DCLK1: variants seen among roughly 807,000 people sequenced by gnomAD.
The protein encoded by DCLK1 is doublecortin like kinase 1.
DCLK1 carries 16 observed loss-of-function variants against 86.2 expected under a neutral mutation model. The observed-to-expected ratio is 0.19, with a 90% CI of 0.13 to 0.28. The LOEUF (loss-of-function observed/expected upper bound fraction) is 0.28. Among genes scored for constraint, DCLK1 ranks in the 10% least tolerant of loss-of-function variants. The pLI, the probability that DCLK1 is intolerant of heterozygous loss-of-function variation, is 1.00. For missense variants in DCLK1, 590 were observed against 940.2 expected (o/e 0.63, Z 4.87); for synonymous variants, 369 against 370.5 (o/e 1.00, Z 0.05).
Position 35,827,660 on chromosome 13 carries a change from A to G in DCLK1, c.1382T>C (p.Leu461Pro). ...LIEEMDVPTE[L>P]YLVMELVKGG... ...CTTTACTAATTCCATGACAAGATAC[A>G]GTTCAGTTGGCACATCCATCTCCTC... Residue 461 changes from leucine (L) to proline (P), a missense_variant, in exon 10 of 17, where the codon CTG (leucine) becomes CCG (proline). By Grantham distance (98) the Leu-to-Pro change is moderately conservative. Coordinates refer to ENST00000360631, the MANE Select transcript of DCLK1 (RefSeq NM_001330071.2). The G allele has an allele frequency of 6.2e-7, 1 of 1,614,036 alleles. No individual in the cohort carries two copies.
intron 4 of DCLK1, among the ~76,000 whole-genome samples, chr13:35,895,548 C>A (rs913547757): frequency 1.3e-5 from 2 of 152,066 alleles, no homozygotes; most frequent in Non-Finnish European, 2.9e-5. Context: ...ACTTCTTGGA[C>A]TGAGTAAATT....
intron 3 of DCLK1, among the ~76,000 whole-genome samples, chr13:36,108,607 T>A (rs552577223): frequency 6.6e-6 from 1 of 152,228 alleles, no homozygotes; most frequent in African/African-American, 2.4e-5. Flanking sequence ...ACAGTTTTCA[T>A]GCCATGGATA....
chr13:35,948,145 T>C (rs1207049347), intron 3 of DCLK1, among the ~76,000 whole-genome samples: 1 of 152,214 alleles, frequency 6.6e-6, no homozygotes, highest in Non-Finnish European at 1.5e-5. Context: ...ATGAGAACTT[T>C]AAGAAAGCTA....
rs1222920656 is a variant in DCLK1 at position 35,938,614 on chromosome 13, G to A, written c.823+8744C>T. ...ACTGCACTCCAGCCTTGGTGACAGA[G>A]TGAGACTCTGTCTCAAAAAAAAAAA... On this transcript the variant is annotated intron_variant, in intron 4 of 16. Coordinates refer to ENST00000360631, the MANE Select transcript of DCLK1 (RefSeq NM_001330071.2). 4.0e-5 allele frequency among the ~76,000 whole-genome samples: 6 copies of A among 151,776 alleles called. No individual in the cohort carries two copies. The East Asian group carries it at 7.8e-4, about 20-fold the overall frequency.
intron 3 of DCLK1, among the ~76,000 whole-genome samples, chr13:36,110,628 T>G (rs1885577570): frequency 6.6e-6 from 1 of 152,144 alleles, no homozygotes; most frequent in South Asian, 2.1e-4. Context: ...ATAAGATCAA[T>G]CTTTTAATTC....
At chr13:36,088,003 T>G (rs1472393263) in intron 3 of DCLK1, among the ~76,000 whole-genome samples, 1 of 152,242 alleles carries the variant, frequency 6.6e-6, no homozygotes, top group Non-Finnish European at 1.5e-5. Context: ...CAATGTTTTT[T>G]AAAACCATGA....
rs2086324953 is a variant in DCLK1, at chr13:35,771,118, A to G, written c.*3417T>C. ...TTGGCCAGTAAACAACCATGATTTA[A>G]TGTGCTTGAGACTTGGTCATATGGG... On this transcript the variant is annotated 3_prime_UTR_variant, in exon 17 of 17. Coordinates refer to ENST00000360631, the MANE Select transcript of DCLK1 (RefSeq NM_001330071.2). The G allele has an allele frequency of 6.6e-6, 1 of 152,200 alleles. No individual in the cohort carries two copies. Among genetic ancestry groups the G allele is most frequent in the Non-Finnish European group, 1.5e-5 (1 of 68,040 alleles). 9.4% of individuals were successfully genotyped at this position (152,200 alleles called of 1,614,324 possible).
At chr13:35,821,672 G>GTATATATA in intron 11 of DCLK1, among the ~76,000 whole-genome samples, 1 of 144,706 alleles carries the variant, frequency 6.9e-6, no homozygotes, top group South Asian at 2.2e-4. Context: ...ATAAATATAT[G>GTATATATA]TATATATATA....
chr13:35,887,143 C>T (rs749049513), intron 4 of DCLK1, among the ~76,000 whole-genome samples: 35 of 152,206 alleles, frequency 2.3e-4, no homozygotes, highest in Non-Finnish European at 4.3e-4. Context: ...TTGTCAGTCA[C>T]GTAAGTGATA....
chr13:35,914,767 T>C (rs60238674), intron 4 of DCLK1, among the ~76,000 whole-genome samples: 15,901 of 151,948 alleles, frequency 0.1, 1,171 homozygotes, highest in African/African-American at 0.21. Context: ...TGCCAAATTC[T>C]GGGCTGTTTA....
intron 3 of DCLK1, among the ~76,000 whole-genome samples, chr13:36,015,004 T>TTC (rs60179491): frequency 5.5e-5 from 8 of 144,266 alleles, no homozygotes; most frequent in East Asian, 4.1e-4. Context: ...CTCTCTCTCT[T>TTC]TCTCTCTCTC....
chr13:36,078,176 G>C (rs896838027), intron 3 of DCLK1, among the ~76,000 whole-genome samples: 1 of 152,204 alleles, frequency 6.6e-6, no homozygotes, highest in Non-Finnish European at 1.5e-5. Flanking sequence ...TGAGGACAGA[G>C]CAAACCAAGA....
At chr13:36,116,898 A>G (rs1368749492) in intron 2 of DCLK1, among the ~76,000 whole-genome samples, 1 of 152,212 alleles carries the variant, frequency 6.6e-6, no homozygotes, top group African/African-American at 2.4e-5. Flanking sequence ...CCTTCTGGAT[A>G]TTACATTTTA....
chr13:35,963,700 G>A (rs1878578453), intron 3 of DCLK1, among the ~76,000 whole-genome samples: 1 of 152,146 alleles, frequency 6.6e-6, no homozygotes, highest in Non-Finnish European at 1.5e-5. Context: ...TTATGGGGGT[G>A]GTTTCCCCCA....
At chr13:35,918,758 T>A (rs1020587853) in intron 4 of DCLK1, among the ~76,000 whole-genome samples, 4 of 152,098 alleles carry the variant, frequency 2.6e-5, no homozygotes, top group Non-Finnish European at 2.9e-5. Context: ...TCACAGATAG[T>A]TGCACAGCTC....
At chr13:35,854,374 A>C (rs906808447) in intron 6 of DCLK1, 125 bp downstream of exon 6, 1 of 619,318 alleles carries the variant, frequency 1.6e-6, no homozygotes, top group African/African-American at 1.9e-5. Flanking sequence ...GCAACCCCTC[A>C]TTGGTCACCT....
intron 4 of DCLK1, among the ~76,000 whole-genome samples, chr13:35,946,213 A>G (rs998520340): frequency 2.0e-5 from 3 of 152,096 alleles, no homozygotes; most frequent in Non-Finnish European, 4.4e-5. Context: ...CATGTTGCCC[A>G]GGCTAGTCTC....
intron 3 of DCLK1, among the ~76,000 whole-genome samples, chr13:35,996,490 A>G (rs1255967324): frequency 2.0e-5 from 3 of 152,198 alleles, no homozygotes; most frequent in Non-Finnish European, 4.4e-5. Context: ...AATTTGAGCA[A>G]AGCAGACTGC....
chr13:35,776,858 C>A (rs1471027303), intron 16 of DCLK1, among the ~76,000 whole-genome samples: 1 of 152,200 alleles, frequency 6.6e-6, no homozygotes, highest in Admixed American at 6.5e-5. Context: ...ACTTCACACT[C>A]TTGGCTGCAG....
Sources: gnomAD v4.1 joint callset for allele counts (sites outside exome capture counted in the v4.1 genomes callset) on GRCh38, gnomAD v4.1.1 for gene constraint, MANE v1.5 for transcripts, NCBI Gene and HGNC (gene_info 2026-07-23, HGNC 2026-07-21) for gene names.